The following TOP6BL variants were observed in gnomAD, a reference collection of about 807,000 sequenced individuals.
TOP6BL encodes TOP6B like initiator of meiotic double strand breaks, also known as type 2 DNA topoisomerase 6 subunit B-like.
chr11:66,780,119 C>G, the TOP6BL span, among the ~76,000 whole-genome samples: 9 of 151,778 alleles, frequency 5.9e-5, no homozygotes, highest in African/African-American at 1.5e-4. Context: ...TGTAACAAAC[C>G]TGCACGTTGT....
At chr11:66,753,431 G>C in the TOP6BL span, among the ~76,000 whole-genome samples, 1 of 140,012 alleles carries the variant, frequency 7.1e-6, no homozygotes, top group African/African-American at 2.7e-5. Context: ...TTTTGAGACA[G>C]AGTCTCACTC....
the TOP6BL span, among the ~76,000 whole-genome samples, chr11:66,750,257 T>C: frequency 1.3e-5 from 2 of 152,206 alleles, no homozygotes; most frequent in South Asian, 2.1e-4. Context: ...TACACACACA[T>C]ATGGTTTTGG....
the TOP6BL span, among the ~76,000 whole-genome samples, chr11:66,766,705 C>A: frequency 6.6e-6 from 1 of 152,194 alleles, no homozygotes; most frequent in African/African-American, 2.4e-5. Flanking sequence ...TTTCTACTTT[C>A]AAGACTTTAA....
chr11:66,775,534 G>A, the TOP6BL span, among the ~76,000 whole-genome samples: 1 of 152,218 alleles, frequency 6.6e-6, no homozygotes, highest in Admixed American at 6.5e-5. Context: ...TCGCCTTCCA[G>A]GAGAAGCTTT....
At chr11:66,828,166 T>C in the TOP6BL span, 5 of 735,694 alleles carry the variant, frequency 6.8e-6, no homozygotes, top group Non-Finnish European at 1.2e-5. Context: ...GCTTGCCTAC[T>C]GTCTGCCTCC....
the TOP6BL span, among the ~76,000 whole-genome samples, chr11:66,776,409 GTA>G: frequency 1.3e-5 from 2 of 152,212 alleles, no homozygotes; most frequent in African/African-American, 2.4e-5. Flanking sequence ...AATAGTACTA[GTA>G]TTAAATAGAA....
At chr11:66,789,288 C>T in the TOP6BL span, among the ~76,000 whole-genome samples, 1 of 152,128 alleles carries the variant, frequency 6.6e-6, no homozygotes, top group Non-Finnish European at 1.5e-5. Flanking sequence ...TCTTTATCGA[C>T]TTATTTGTAG....
At chr11:66,799,683 C>T in the TOP6BL span, among the ~76,000 whole-genome samples, 14 of 151,854 alleles carry the variant, frequency 9.2e-5, no homozygotes, top group African/African-American at 3.4e-4. Context: ...TTGCACTCTG[C>T]ACTCCAGCCT....
the TOP6BL span, among the ~76,000 whole-genome samples, chr11:66,837,409 G>C: frequency 6.6e-6 from 1 of 151,358 alleles, no homozygotes; most frequent in African/African-American, 2.4e-5. Context: ...TTACAGGCTT[G>C]AGCCACTGCA....
At chr11:66,842,829 G>A in the TOP6BL span, 3 of 1,540,240 alleles carry the variant, frequency 1.9e-6, no homozygotes, top group Admixed American at 6.1e-5. Flanking sequence ...GTAAGATGAA[G>A]AGGCTTGTTT....
chr11:66,828,116 A>G, the TOP6BL span: 1 of 598,728 alleles, frequency 1.7e-6, no homozygotes, highest in Non-Finnish European at 3.0e-6. Context: ...TTTTTTCTCT[A>G]CTGCCTTCAT....
chr11:66,804,540 ATTGAATGT>A, the TOP6BL span, among the ~76,000 whole-genome samples: 1 of 152,216 alleles, frequency 6.6e-6, no homozygotes, highest in African/African-American at 2.4e-5. Context: ...GTAAGAAACC[ATTGAATGT>A]TTTGGGAGAA....
chr11:66,843,017 C>T, the TOP6BL span: 7 of 1,553,584 alleles, frequency 4.5e-6, no homozygotes, highest in Admixed American at 1.9e-5. Context: ...CACCGCGAGG[C>T]TCACGGCAGG....
the TOP6BL span, among the ~76,000 whole-genome samples, chr11:66,805,498 G>C: frequency 6.6e-6 from 1 of 151,442 alleles, no homozygotes; most frequent in Admixed American, 6.6e-5. Context: ...GTCTGGCTCT[G>C]TTGCACAGGC....
At chr11:66,767,175 C>G in the TOP6BL span, among the ~76,000 whole-genome samples, 3 of 152,142 alleles carry the variant, frequency 2.0e-5, no homozygotes, top group Non-Finnish European at 4.4e-5. Context: ...CAGAATAATG[C>G]CCATTAAGAT....
At chr11:66,797,188 CAG>C in the TOP6BL span, among the ~76,000 whole-genome samples, 2 of 151,256 alleles carry the variant, frequency 1.3e-5, no homozygotes, top group East Asian at 3.9e-4. Context: ...TCAGTAGAGA[CAG>C]GGTTTCACTG....
At chr11:66,812,825 C>T in the TOP6BL span, among the ~76,000 whole-genome samples, 2 of 152,060 alleles carry the variant, frequency 1.3e-5, no homozygotes, top group African/African-American at 4.8e-5. Flanking sequence ...GAGGGGGTAA[C>T]GTAAGAAGGG....
At chr11:66,839,728 T>C in the TOP6BL span, among the ~76,000 whole-genome samples, 7 of 152,156 alleles carry the variant, frequency 4.6e-5, no homozygotes, top group African/African-American at 1.7e-4. Flanking sequence ...AAAATGCAAA[T>C]ATGATACATA....
chr11:66,835,963 C>T, the TOP6BL span, among the ~76,000 whole-genome samples: 1 of 152,186 alleles, frequency 6.6e-6, no homozygotes, highest in Admixed American at 6.5e-5. Context: ...TTTTAAAGAA[C>T]TTTCGAGCTG....
Sources: gnomAD v4.1 joint callset for allele counts (sites outside exome capture counted in the v4.1 genomes callset) on GRCh38, gnomAD v4.1.1 for gene constraint, MANE v1.5 for transcripts, NCBI Gene and HGNC (gene_info 2026-07-23, HGNC 2026-07-21) for gene names.